GPC4: variants seen among roughly 807,000 people sequenced by gnomAD.
GPC4 encodes glypican 4, also known as glypican-4.
Under a neutral mutation model 35.0 loss-of-function variants are expected in GPC4, and 10 were observed. The ratio of observed to expected loss-of-function variants is 0.29; its 90% CI spans 0.18 to 0.48. The LOEUF is 0.48. Among genes scored for constraint, GPC4 ranks in the 20% least tolerant of loss-of-function variants. The probability of loss-of-function intolerance (pLI) is 0.99; values close to 1 mark genes in which losing one functional copy is unlikely to be tolerated. For synonymous variants in GPC4, 167 were observed against 170.2 expected, an observed-to-expected ratio of 0.98 and a Z score of 0.15; for missense variants, 322 against 451.3, an observed-to-expected ratio of 0.71 and a Z score of 2.60.
rs377087398 is a variant in GPC4 at position 133,363,332 on chromosome X, T to A, written c.161-23991A>T. Reference sequence around the variant, plus strand: ...GATTACGGGCATGAACCACCACACCTGCCTGGCCTATTTCTGTTTTTAAAC... The same window carrying A: ...GATTACGGGCATGAACCACCACACCAGCCTGGCCTATTTCTGTTTTTAAAC... On this transcript the variant is annotated intron_variant, in intron 1 of 8. Transcript: ENST00000370828. Among the ~76,000 whole-genome samples, 45 of 111,040 alleles carry A rather than the reference T, an allele frequency of 4.1e-4. No homozygotes were observed. In the South Asian group the frequency reaches 0.017, roughly 43 times the overall value.
chrX:133,394,720 C>T (rs2068734876), intron 1 of GPC4, among the ~76,000 whole-genome samples: 1 of 111,291 alleles, frequency 9.0e-6, no homozygotes, highest in African/African-American at 3.3e-5. Context: ...TGAACTCATA[C>T]ACAAGAAAGA....
chrX:133,321,876 A>G (rs749030177), intron 3 of GPC4, among the ~76,000 whole-genome samples: 1 of 112,030 alleles, frequency 8.9e-6, no homozygotes, highest in South Asian at 3.8e-4. Flanking sequence ...AATATCAAAG[A>G]AGGAGTGAAC....
At chrX:133,344,514 C>T (rs192934141) in intron 1 of GPC4, among the ~76,000 whole-genome samples, 1 of 110,004 alleles carries the variant, frequency 9.1e-6, no homozygotes, top group East Asian at 2.9e-4. Context: ...TGTGAGCCAC[C>T]ACGCCCGGTG....
At chrX:133,331,257 C>A (rs1321959814) in intron 2 of GPC4, among the ~76,000 whole-genome samples, 2 of 111,400 alleles carry the variant, frequency 1.8e-5, no homozygotes, top group Non-Finnish European at 3.8e-5. Flanking sequence ...ACTAAGGGCA[C>A]TCTCAGTACC....
At chrX:133,327,712 C>T (rs1408209071) in intron 2 of GPC4, among the ~76,000 whole-genome samples, 3 of 105,119 alleles carry the variant, frequency 2.9e-5, no homozygotes, top group Non-Finnish European at 5.8e-5. Context: ...CTTTAAGAGC[C>T]TAGGTTGGTG....
chrX:133,305,639 T>C (rs980567276), intron 6 of GPC4, 133 bp downstream of exon 6: 25 of 838,249 alleles, frequency 3.0e-5, no homozygotes, highest in Middle Eastern at 4.6e-4. Flanking sequence ...TTGACTGACA[T>C]CCACATCCTA....
At chrX:133,388,987 G>A (rs1240992789) in intron 1 of GPC4, among the ~76,000 whole-genome samples, 1 of 84,668 alleles carries the variant, frequency 1.2e-5, no homozygotes, top group Non-Finnish European at 2.2e-5. Context: ...GACAGGGTAC[G>A]AGTCTGTCAC....
chrX:133,337,691 G>T lies in GPC4; in HGVS notation c.319+1492C>A, dbSNP rs778932452. On this transcript the variant is annotated intron_variant, in intron 2 of 8. Coordinates refer to ENST00000370828, the MANE Select transcript of GPC4 (RefSeq NM_001448.3). The stretch of plus-strand genomic sequence containing the variant: ...TTTTCTCCCCAAAGTAAAAGAAAAG[G>T]CTTAGGTTATTATCTTGAATGAGAA... 3.6e-5 allele frequency among the ~76,000 whole-genome samples: 4 copies of T among 111,006 alleles called. No individual in the cohort carries two copies. In the East Asian group the frequency reaches 1.1e-3, roughly 31 times the overall value.
chrX:133,387,656 T>C (rs1194128814), intron 1 of GPC4, among the ~76,000 whole-genome samples: 2 of 112,014 alleles, frequency 1.8e-5, no homozygotes, highest in African/African-American at 6.5e-5. Context: ...GGACAGGCAA[T>C]GCCAGATAAA....
intron 1 of GPC4, among the ~76,000 whole-genome samples, chrX:133,357,381 C>CA (rs1416254763): frequency 0.04 from 3,194 of 80,107 alleles, 172 homozygotes; most frequent in African/African-American, 0.12. Context: ...AAGACTCTCT[C>CA]AAAAAAAAAA....
At chrX:133,403,077 A>G (rs1291796758) in intron 1 of GPC4, among the ~76,000 whole-genome samples, 1 of 111,520 alleles carries the variant, frequency 9.0e-6, no homozygotes, top group Non-Finnish European at 1.9e-5. Context: ...GCCAAGAAAG[A>G]GCACCACGCT....
Position 133,339,284 on chromosome X carries a change from T to C in GPC4, c.218A>G (p.Glu73Gly), listed in dbSNP as rs766740836. ...GSTCCSQEME[E>G]KYSLQSKDDF... ...ATCTTTACTTTGCAGGCTGTACTTC[T>C]CCTCCATCTCTTGAGAGCAGCAGGT... The change falls in exon 2 of 9, where the codon GAG becomes GGG. Residue 73 changes from glutamate to glycine, a missense_variant. Glu to Gly is a moderately conservative substitution (Grantham distance 98). Around this residue, in one of 3 missense-constraint regions of GPC4, gnomAD observed 60 missense variants for 64.1 expected, o/e 0.94. Transcript: ENST00000370828. 1.7e-6 allele frequency: 2 copies of C among 1,210,924 alleles called. No individual in the cohort carries two copies. The highest frequency in any genetic ancestry group is 1.8e-5 in the South Asian group (1 of 56,968).
At chrX:133,370,409 TAAAG>T (rs892002856) in intron 1 of GPC4, among the ~76,000 whole-genome samples, 4 of 112,314 alleles carry the variant, frequency 3.6e-5, no homozygotes, top group African/African-American at 9.7e-5. Flanking sequence ...TGATTTGAAA[TAAAG>T]AAGCAAATAA....
In GPC4 at chrX:133,324,172, C is replaced by T. The variant is rs757883865; in HGVS notation, c.684G>A (p.Ala228=). ...ARTFAQGLAV[A]GDVVSKVSVV... The stretch of plus-strand genomic sequence containing the variant: ...CGGAGACCTTGCTCACGACATCTCC[C>T]GCAACCGCTAAGCCTTGAGCGAAAG... Residue 228 remains alanine (A), a synonymous_variant, in exon 3 of 9, where the codon GCG becomes GCA. Transcript: ENST00000370828. 1.0e-5 allele frequency: 12 copies of T among 1,204,667 alleles called. No individual in the cohort carries two copies. In the East Asian group the frequency reaches 2.1e-4, roughly 21 times the overall value.
intron 1 of GPC4, among the ~76,000 whole-genome samples, chrX:133,365,958 G>A (rs920352290): frequency 8.9e-6 from 1 of 112,143 alleles, no homozygotes; most frequent in Non-Finnish European, 1.9e-5. Flanking sequence ...GAACAGAAAT[G>A]GCAGATGACT....
chrX:133,329,694 C>G (rs935652616), intron 2 of GPC4, among the ~76,000 whole-genome samples: 1 of 111,093 alleles, frequency 9.0e-6, no homozygotes, highest in Non-Finnish European at 1.9e-5. Flanking sequence ...CGACACCCCC[C>G]ACCCATGTAT....
chrX:133,407,087 A>AG (rs2068791913), intron 1 of GPC4, among the ~76,000 whole-genome samples: 1 of 105,819 alleles, frequency 9.5e-6, no homozygotes, highest in Non-Finnish European at 1.9e-5. Flanking sequence ...AAAAAAAAAA[A>AG]ATACACACAC....
At chrX:133,397,992 A>T (rs975668377) in intron 1 of GPC4, among the ~76,000 whole-genome samples, 1 of 111,802 alleles carries the variant, frequency 8.9e-6, no homozygotes, top group African/African-American at 3.3e-5. Context: ...TGAACCCAGG[A>T]TGCACAAGCT....
chrX:133,397,357 G>A (rs1024686223), intron 1 of GPC4, among the ~76,000 whole-genome samples: 1 of 111,402 alleles, frequency 9.0e-6, no homozygotes, highest in Non-Finnish European at 1.9e-5. Context: ...CTGGGAGTTC[G>A]AGACTGGCCT....
Sources: allele counts gnomAD v4.1 joint callset (sites outside exome capture counted in the v4.1 genomes callset), GRCh38; gene constraint gnomAD v4.1.1; regional missense constraint gnomAD v4.1.1; transcripts MANE v1.5; gene names NCBI Gene and HGNC (gene_info 2026-07-23, HGNC 2026-07-21).